Variants in CEP85L observed in about 807,000 individuals in gnomAD.
CEP85L encodes centrosomal protein of 85 kDa-like.
A neutral mutation model predicts 100.3 loss-of-function variants in CEP85L; 60 were observed. The ratio of observed to expected loss-of-function variants is 0.60; its 90% CI spans 0.49 to 0.74. The LOEUF (loss-of-function observed/expected upper bound fraction) is 0.74, where lower values mean the gene tolerates loss of function less well. CEP85L is among the 30% of genes least tolerant of loss of function. The probability of loss-of-function intolerance (pLI) is 0.00; values close to 1 mark genes in which losing one functional copy is unlikely to be tolerated. For synonymous variants in CEP85L, 319 were observed against 322.7 expected (o/e 0.99, Z 0.12); for missense variants, 973 against 936.2 (o/e 1.04, Z -0.51).
intron 1 of CEP85L, among the ~76,000 whole-genome samples, chr6:118,676,558 T>G (rs1021087055): frequency 6.6e-6 from 1 of 152,252 alleles, no homozygotes; most frequent in Non-Finnish European, 1.5e-5. Flanking sequence ...TCCATCATGC[T>G]TATATACCAC....
Position 118,481,802 on chromosome 6 carries a change from CT to C in CEP85L, c.1721del (p.Lys574ArgfsTer3). The C allele has an allele frequency of 1.9e-6, 3 of 1,586,896 alleles. No individual in the cohort carries two copies. Among genetic ancestry groups the C allele is most frequent in the Non-Finnish European group, 2.6e-6 (3 of 1,168,086 alleles). On this transcript the variant is annotated frameshift_variant, in exon 8 of 13. Coordinates refer to ENST00000368491, the MANE Select transcript of CEP85L (RefSeq NM_001042475.3). LOFTEE classifies it high-confidence loss of function. ...TQLICQKKKE[K>X]ELVTTVQSLQ... ...ACCTCTGAACGGTAGTTACTAACTC[CT>C]TTTCTTTCTTTTTCTGGCATATTAA...
intron 1 of CEP85L, among the ~76,000 whole-genome samples, chr6:118,673,164 A>C (rs914721708): frequency 6.6e-6 from 1 of 152,206 alleles, no homozygotes; most frequent in African/African-American, 2.4e-5. Context: ...ATAAGAGTTA[A>C]AGATGAGGAA....
intron 1 of CEP85L, among the ~76,000 whole-genome samples, chr6:118,633,495 C>T (rs559503697): frequency 2.6e-5 from 4 of 152,266 alleles, no homozygotes; most frequent in South Asian, 2.1e-4. Flanking sequence ...TGAGCCACCG[C>T]GCCCAGCTAG....
chr6:118,687,044 A>C (rs1160059334), intron 1 of CEP85L, among the ~76,000 whole-genome samples: 1 of 152,118 alleles, frequency 6.6e-6, no homozygotes, highest in African/African-American at 2.4e-5. Flanking sequence ...TTGCTCCTCA[A>C]ATATAAAAGC....
intron 1 of CEP85L, among the ~76,000 whole-genome samples, chr6:118,650,450 C>A (rs1022891092): frequency 6.6e-6 from 1 of 152,148 alleles, no homozygotes; most frequent in Admixed American, 6.6e-5. Context: ...ACAAACAGAC[C>A]CCTTCAGATA....
In CEP85L at chr6:118,600,300, G is replaced by GGGGTGTGTGTGT. The variant is rs1562297733; in HGVS notation, c.232+32152_232+32153insACACACACACCC. 1.5e-4 allele frequency among the ~76,000 whole-genome samples: 8 copies of GGGGTGTGTGTGT among 52,246 alleles called. 3 individuals are homozygous for GGGGTGTGTGTGT. The highest frequency in any genetic ancestry group is 2.7e-4 in the African/African-American group (4 of 14,646). 34.3% of individuals were successfully genotyped at this position (52,246 alleles called of 152,430 possible). A position where few individuals can be genotyped will look rare whatever the true frequency, so the allele number is the denominator to read the frequency against. On this transcript the variant is annotated intron_variant, in intron 2 of 12. Coordinates refer to ENST00000368491, the MANE Select transcript of CEP85L (RefSeq NM_001042475.3). ...CTGCCTGTCCCTGAGCCTTCCTGGG[G>GGGGTGTGTGTGT]GTGTGTGTGTGTGTGTGTGTGTGTG...
At chr6:118,630,225 T>C (rs1312681708) in intron 2 of CEP85L, among the ~76,000 whole-genome samples, 1 of 152,238 alleles carries the variant, frequency 6.6e-6, no homozygotes, top group East Asian at 1.9e-4. Context: ...TGGTTCCTTC[T>C]GTAACCTGTT....
chr6:118,607,159 C>A (rs1219031596), intron 2 of CEP85L, among the ~76,000 whole-genome samples: 1 of 152,134 alleles, frequency 6.6e-6, no homozygotes, highest in African/African-American at 2.4e-5. Context: ...ATCAAACTGG[C>A]AAGGCTTAAA....
chr6:118,491,872 G>A lies in CEP85L; in HGVS notation c.1258-7C>T, dbSNP rs550462305. 238 of 1,566,864 alleles carry A rather than the reference G, an allele frequency of 1.5e-4. 1 individual carries two copies. In the South Asian group the frequency reaches 2.5e-3, roughly 17 times the overall value. ...AAGTGTTCTCATATTGTGGCTGTTA[G>A]GAAAGAAAAAAAGGAGGTAAGACTT... On this transcript the variant is annotated splice_polypyrimidine_tract_variant and splice_region_variant and intron_variant, in intron 5 of 12. Transcript: ENST00000368491.
rs114188992 is a variant in CEP85L, at chr6:118,648,462, C to G, written c.73+2735G>C. Among the ~76,000 whole-genome samples the G allele has an allele frequency of 3.7e-3, 567 of 152,120 alleles. 3 individuals carry two copies. Among genetic ancestry groups the G allele is most frequent in the African/African-American group, 0.013 (541 of 41,500 alleles). On this transcript the variant is annotated intron_variant, in intron 1 of 12. Coordinates refer to ENST00000368491, the MANE Select transcript of CEP85L (RefSeq NM_001042475.3). ...GATTTTTAGAAAGTGGTTCTATAAG[C>G]CGGGCGCGGTGGCTCACGCCTGTAA...
chr6:118,556,840 T>C (rs567611345), intron 3 of CEP85L, among the ~76,000 whole-genome samples: 1 of 152,356 alleles, frequency 6.6e-6, no homozygotes, highest in Admixed American at 6.5e-5. Context: ...TCCCCAAGTG[T>C]TAATAACGAT....
At chr6:118,707,873 C>G (rs1777646564) in intron 1 of CEP85L, among the ~76,000 whole-genome samples, 1 of 147,042 alleles carries the variant, frequency 6.8e-6, no homozygotes, top group Admixed American at 7.1e-5. Flanking sequence ...AAAAATTAAA[C>G]ATTGCAATAT....
At chr6:118,682,460 T>C (rs562117396) in intron 1 of CEP85L, among the ~76,000 whole-genome samples, 2 of 152,234 alleles carry the variant, frequency 1.3e-5, no homozygotes, top group East Asian at 3.9e-4. Flanking sequence ...GAGTGGATTA[T>C]ACTAGATGCT....
At chr6:118,472,314 T>C (rs1345486843) in intron 10 of CEP85L, among the ~76,000 whole-genome samples, 4 of 152,052 alleles carry the variant, frequency 2.6e-5, no homozygotes, top group Non-Finnish European at 5.9e-5. Flanking sequence ...AGTATTGCCA[T>C]TTATCACAAA....
chr6:118,594,079 C>A (rs1562292602), intron 2 of CEP85L, among the ~76,000 whole-genome samples: 1 of 152,142 alleles, frequency 6.6e-6, no homozygotes, highest in African/African-American at 2.4e-5. Flanking sequence ...TCGTAACGCT[C>A]CTAACTATTT....
At chr6:118,679,683 C>T (rs1198862632) in intron 1 of CEP85L, among the ~76,000 whole-genome samples, 1 of 152,124 alleles carries the variant, frequency 6.6e-6, no homozygotes, top group African/African-American at 2.4e-5. Context: ...CTATAGGAAA[C>T]AAAGGGCCCA....
intron 1 of CEP85L, among the ~76,000 whole-genome samples, chr6:118,672,422 A>G (rs1051715954): frequency 1.3e-5 from 2 of 152,122 alleles, no homozygotes; most frequent in Non-Finnish European, 2.9e-5. Context: ...AGATGGTGCT[A>G]GCTGTTATGG....
intron 2 of CEP85L, among the ~76,000 whole-genome samples, chr6:118,591,984 C>T (rs1387374480): frequency 6.6e-6 from 1 of 152,132 alleles, no homozygotes; most frequent in Non-Finnish European, 1.5e-5. Context: ...GTTTTGAATA[C>T]TGCCTTGAAA....
At chr6:118,637,715 A>AG (rs1448826310) in intron 1 of CEP85L, among the ~76,000 whole-genome samples, 1 of 150,624 alleles carries the variant, frequency 6.6e-6, no homozygotes, top group African/African-American at 2.4e-5. Context: ...AAAAAAAAAA[A>AG]AAAAAAAAAA....
Sources: gnomAD v4.1 joint callset for allele counts (sites outside exome capture counted in the v4.1 genomes callset) on GRCh38, gnomAD v4.1.1 for gene constraint, MANE v1.5 for transcripts, NCBI Gene and HGNC (gene_info 2026-07-23, HGNC 2026-07-21) for gene names.